SLC15A5: variants seen among roughly 807,000 people sequenced by gnomAD.
The protein encoded by SLC15A5 is Peptide/histidine transporter ENSP00000340402.
SLC15A5 carries 58 observed loss-of-function variants against 56.1 expected under a neutral mutation model. The observed-to-expected ratio is 1.03, with a 90% CI of 0.84 to 1.29. SLC15A5 has a LOEUF of 1.29. Ranked by LOEUF, SLC15A5 falls within the 50% of genes most tolerant of loss-of-function variation. The probability of loss-of-function intolerance (pLI) is 0.00; values close to 1 mark genes in which losing one functional copy is unlikely to be tolerated. For missense variants in SLC15A5, 681 were observed against 672.1 expected, an observed-to-expected ratio of 1.01 and a Z score of -0.15; for synonymous variants, 264 against 250.5, an observed-to-expected ratio of 1.05 and a Z score of -0.51.
intron 7 of SLC15A5, among the ~76,000 whole-genome samples, chr12:16,211,145 A>G (rs1864076239): frequency 6.6e-6 from 1 of 152,196 alleles, no homozygotes; most frequent in Admixed American, 6.5e-5. Flanking sequence ...ATGAAGTTGG[A>G]CCCGAGGCAT....
In SLC15A5 at chr12:16,263,873, C is replaced by T. The variant is rs1412760385; in HGVS notation, c.585-6003G>A. 3.3e-5 allele frequency among the ~76,000 whole-genome samples: 5 copies of T among 152,300 alleles called. No homozygotes were observed. The East Asian group carries it at 9.6e-4, about 29-fold the overall frequency. On this transcript the variant is annotated intron_variant, in intron 2 of 8. Coordinates refer to ENST00000344941, the MANE Select transcript of SLC15A5 (RefSeq NM_001170798.1). The stretch of plus-strand genomic sequence containing the variant: ...TCAAGAACTGAGGTTTGGGAACCTC[C>T]ACCTAGGTTTCAGAAGATGTATGGA...
intron 4 of SLC15A5, among the ~76,000 whole-genome samples, chr12:16,240,938 G>T (rs866896248): frequency 6.6e-6 from 1 of 151,850 alleles, no homozygotes; most frequent in African/African-American, 2.4e-5. Context: ...TCAGCCTTCC[G>T]AGTAGCTGAG....
chr12:16,190,347 T>C (rs1192354437), intron 8 of SLC15A5, among the ~76,000 whole-genome samples: 1 of 152,148 alleles, frequency 6.6e-6, no homozygotes, highest in Non-Finnish European at 1.5e-5. Context: ...GAAACTGAAG[T>C]TTCCAAGAGA....
At chr12:16,272,478 G>A (rs982122671) in intron 2 of SLC15A5, 83 bp downstream of exon 2, 119 of 1,276,546 alleles carry the variant, frequency 9.3e-5, no homozygotes, top group Non-Finnish European at 1.2e-4. Flanking sequence ...CAAAGACTGA[G>A]CAACTACTAC....
At chr12:16,255,518 A>G (rs771738876) in intron 3 of SLC15A5, among the ~76,000 whole-genome samples, 2 of 152,084 alleles carry the variant, frequency 1.3e-5, no homozygotes, top group African/African-American at 2.4e-5. Flanking sequence ...TGCCACAACC[A>G]CTATAGAAAG....
intron 3 of SLC15A5, among the ~76,000 whole-genome samples, chr12:16,252,128 CATT>C (rs1209227954): frequency 6.6e-6 from 1 of 151,970 alleles, no homozygotes; most frequent in Non-Finnish European, 1.5e-5. Flanking sequence ...ATGATAAAAA[CATT>C]AGACAAACTA....
chr12:16,229,494 T>C (rs1864273815), intron 5 of SLC15A5, among the ~76,000 whole-genome samples: 1 of 152,122 alleles, frequency 6.6e-6, no homozygotes, highest in East Asian at 1.9e-4. Flanking sequence ...CTTACTACAA[T>C]TTGAAATTAA....
intron 6 of SLC15A5, among the ~76,000 whole-genome samples, chr12:16,222,112 T>C (rs1275345265): frequency 1.3e-5 from 2 of 152,218 alleles, no homozygotes; most frequent in African/African-American, 4.8e-5. Context: ...AACAACACAT[T>C]ATAACTGCTA....
At chr12:16,189,862 A>C in intron 8 of SLC15A5, 47 bp from the exon 9 acceptor site, 1 of 1,339,382 alleles carries the variant, frequency 7.5e-7, no homozygotes, top group Non-Finnish European at 9.8e-7. Flanking sequence ...GATGTAGATG[A>C]ATTGATAAAT....
chr12:16,236,694 C>T (rs1565666561), intron 5 of SLC15A5, among the ~76,000 whole-genome samples: 1 of 152,130 alleles, frequency 6.6e-6, no homozygotes, highest in Non-Finnish European at 1.5e-5. Flanking sequence ...TTACCATCTG[C>T]CTCCTTAAAC....
chr12:16,226,971 T>A (rs934757440), intron 5 of SLC15A5, among the ~76,000 whole-genome samples: 1 of 152,168 alleles, frequency 6.6e-6, no homozygotes, highest in Non-Finnish European at 1.5e-5. Flanking sequence ...AAAATCAATC[T>A]AATGTTTAAA....
intron 7 of SLC15A5, among the ~76,000 whole-genome samples, chr12:16,199,596 C>T (rs1264604371): frequency 3.3e-5 from 5 of 152,088 alleles, no homozygotes; most frequent in Admixed American, 6.6e-5. Context: ...TCAGGGAGTG[C>T]AACTCCCATG....
intron 7 of SLC15A5, among the ~76,000 whole-genome samples, chr12:16,207,375 T>C (rs1317637762): frequency 6.6e-6 from 1 of 152,252 alleles, no homozygotes; most frequent in Non-Finnish European, 1.5e-5. Flanking sequence ...AGCGTAGATA[T>C]AATGATTTCA....
chr12:16,255,837 A>G (rs993035956), intron 3 of SLC15A5, among the ~76,000 whole-genome samples: 8 of 152,162 alleles, frequency 5.3e-5, no homozygotes, highest in Non-Finnish European at 1.0e-4. Flanking sequence ...TACTTCTTAC[A>G]TCAAAAGGGC....
Position 16,277,313 on chromosome 12 carries a change from G to A in SLC15A5, c.361+12C>T. ...AAGTCACAAAACAATCCAGTCAGCA[G>A]AGGACACTCACCTAGAAAATGTAGA... On this transcript the variant is annotated intron_variant, in intron 1 of 8. Coordinates refer to ENST00000344941, the MANE Select transcript of SLC15A5 (RefSeq NM_001170798.1). 1 of 1,502,486 alleles carries A rather than the reference G, an allele frequency of 6.7e-7. No individual in the cohort carries two copies. Among genetic ancestry groups the A allele is most frequent in the Non-Finnish European group, 8.9e-7 (1 of 1,129,576 alleles). The allele number at this position is 1,502,486 out of a possible 1,614,324, so 93.1% of individuals were successfully genotyped here.
At chr12:16,226,421 A>G (rs1864241892) in intron 5 of SLC15A5, among the ~76,000 whole-genome samples, 1 of 152,196 alleles carries the variant, frequency 6.6e-6, no homozygotes, top group South Asian at 2.1e-4. Context: ...CAGAAAAGAG[A>G]TATCATCCTA....
At chr12:16,270,014 C>T (rs1360918694) in intron 2 of SLC15A5, among the ~76,000 whole-genome samples, 1 of 152,146 alleles carries the variant, frequency 6.6e-6, no homozygotes, top group Non-Finnish European at 1.5e-5. Context: ...AGGCTCTGAT[C>T]TGGATAATGA....
intron 5 of SLC15A5, among the ~76,000 whole-genome samples, chr12:16,228,297 C>T (rs557101934): frequency 6.6e-6 from 1 of 152,312 alleles, no homozygotes; most frequent in Non-Finnish European, 1.5e-5. Flanking sequence ...CAGAGAATAT[C>T]TAAGCAGTGC....
intron 2 of SLC15A5, among the ~76,000 whole-genome samples, chr12:16,259,024 C>CTTTTTTTTTTTTTTTTTTTT (rs5796661): frequency 3.2e-5 from 2 of 63,218 alleles, no homozygotes; most frequent in East Asian, 1.1e-3. Flanking sequence ...TCTTTCTTTC[C>CTTTTTTTTTTTTTTTTTTTT]TTTTTTTTTT....
Sources: allele counts gnomAD v4.1 joint callset (sites outside exome capture counted in the v4.1 genomes callset), GRCh38; gene constraint gnomAD v4.1.1; transcripts MANE v1.5; gene names NCBI Gene and HGNC (gene_info 2026-07-23, HGNC 2026-07-21).